The following ZNF804A variants were observed in gnomAD, a reference collection of about 807,000 sequenced individuals.
ZNF804A encodes zinc finger protein 804A.
In ZNF804A, 2 loss-of-function variants were observed where a neutral mutation model predicts 16.5. That is an observed-to-expected ratio of 0.12 (90% CI 0.05 to 0.38). The LOEUF (loss-of-function observed/expected upper bound fraction) is 0.38. Ranked by LOEUF, ZNF804A falls within the 10% of genes least tolerant of loss-of-function variation. The pLI is 0.99. For missense variants in ZNF804A, 1,473 were observed against 1,390.7 expected, an observed-to-expected ratio of 1.06 and a Z score of -0.94; for synonymous variants, 534 against 489.6, an observed-to-expected ratio of 1.09 and a Z score of -1.20.
rs189332515 is a variant in ZNF804A, at chr2:184,826,348, T to C, written c.112-40021T>C. Reference sequence around the variant, plus strand: ...ATATTTAATGTGTCCTACTATCTTATGAGGAAATGACTTCTAAAATTAGAC... The same window carrying C: ...ATATTTAATGTGTCCTACTATCTTACGAGGAAATGACTTCTAAAATTAGAC... On this transcript the variant is annotated intron_variant, in intron 1 of 3. Coordinates refer to ENST00000302277, the MANE Select transcript of ZNF804A (RefSeq NM_194250.2). Among the ~76,000 whole-genome samples the C allele has an allele frequency of 3.6e-4, 55 of 152,276 alleles. No individual in the cohort carries two copies. In the East Asian group the frequency reaches 0.01, roughly 28 times the overall value.
intron 1 of ZNF804A, among the ~76,000 whole-genome samples, chr2:184,733,327 C>T (rs72901834): frequency 0.053 from 8,016 of 152,130 alleles, 266 homozygotes; most frequent in Middle Eastern, 0.079. Context: ...TAATAGATTA[C>T]ATTAATTGAT....
intron 1 of ZNF804A, among the ~76,000 whole-genome samples, chr2:184,599,823 G>T (rs1314174464): frequency 1.3e-5 from 2 of 152,186 alleles, no homozygotes; most frequent in Non-Finnish European, 2.9e-5. Context: ...GGGAGAAGAT[G>T]TACTGAGCAT....
chr2:184,602,416 C>A (rs1691064673), intron 1 of ZNF804A, among the ~76,000 whole-genome samples: 1 of 151,896 alleles, frequency 6.6e-6, no homozygotes, highest in Non-Finnish European at 1.5e-5. Context: ...TAGGGCTTAA[C>A]AGAAAAGAAT....
At chr2:184,647,248 T>C (rs1249712138) in intron 1 of ZNF804A, among the ~76,000 whole-genome samples, 1 of 152,130 alleles carries the variant, frequency 6.6e-6, no homozygotes, top group African/African-American at 2.4e-5. Flanking sequence ...AAGAAAAACC[T>C]TACCCTCACT....
chr2:184,816,809 G>A (rs560627097), intron 1 of ZNF804A, among the ~76,000 whole-genome samples: 5 of 151,904 alleles, frequency 3.3e-5, no homozygotes, highest in Admixed American at 6.6e-5. Context: ...CTACTCAGAT[G>A]AGGGACAGCG....
At chr2:184,935,630 T>A (rs1001483325) in intron 3 of ZNF804A, among the ~76,000 whole-genome samples, 153 bp from the exon 4 acceptor site, 2 of 152,146 alleles carry the variant, frequency 1.3e-5, no homozygotes, top group African/African-American at 4.8e-5. Context: ...TGTGGCACCA[T>A]GGAAAGTACT....
intron 1 of ZNF804A, among the ~76,000 whole-genome samples, chr2:184,688,500 C>G (rs1692675967): frequency 6.6e-6 from 1 of 151,830 alleles, no homozygotes; most frequent in Admixed American, 6.6e-5. Flanking sequence ...TTCAGACACC[C>G]CCCTAAAATA....
intron 1 of ZNF804A, among the ~76,000 whole-genome samples, chr2:184,799,506 A>G (rs1694690692): frequency 6.6e-6 from 1 of 152,040 alleles, no homozygotes; most frequent in Non-Finnish European, 1.5e-5. Flanking sequence ...TTAAGAAGGC[A>G]TTAGCAAGTA....
intron 1 of ZNF804A, among the ~76,000 whole-genome samples, chr2:184,682,359 G>C (rs1692556584): frequency 6.6e-6 from 1 of 152,126 alleles, no homozygotes; most frequent in African/African-American, 2.4e-5. Flanking sequence ...TCTTTAAGTA[G>C]TATATATTAA....
intron 1 of ZNF804A, among the ~76,000 whole-genome samples, chr2:184,851,693 A>G (rs2105804350): frequency 6.6e-6 from 1 of 151,924 alleles, no homozygotes; most frequent in Middle Eastern, 3.4e-3. Context: ...TTTCTTTTGG[A>G]TATATTCCTA....
intron 1 of ZNF804A, among the ~76,000 whole-genome samples, chr2:184,651,227 A>G (rs780530074): frequency 2.0e-5 from 3 of 152,190 alleles, no homozygotes; most frequent in Non-Finnish European, 4.4e-5. Context: ...TGTTGGGATA[A>G]CTGGCTAGCC....
At chr2:184,815,270 C>A (rs1002409727) in intron 1 of ZNF804A, among the ~76,000 whole-genome samples, 13 of 151,800 alleles carry the variant, frequency 8.6e-5, no homozygotes, top group African/African-American at 2.9e-4. Flanking sequence ...AAATAATTAT[C>A]AAATCCATAC....
intron 2 of ZNF804A, among the ~76,000 whole-genome samples, chr2:184,893,539 ATAAAT>A (rs2105823544): frequency 6.6e-6 from 1 of 152,210 alleles, no homozygotes; most frequent in Admixed American, 6.5e-5. Context: ...TTAAACTTTT[ATAAAT>A]TAAATTAGTC....
At chr2:184,778,709 TAC>T (rs1375279356) in intron 1 of ZNF804A, among the ~76,000 whole-genome samples, 1 of 151,748 alleles carries the variant, frequency 6.6e-6, no homozygotes, top group African/African-American at 2.4e-5. Context: ...TGCTATTATA[TAC>T]AGTTATTGTA....
At position 184,599,088 on chromosome 2, in the gene ZNF804A, CCTCTCT is replaced by C. The variant is rs10689377; in HGVS notation, c.111+28_111+33del. On this transcript the variant is annotated intron_variant, in intron 1 of 3. Coordinates refer to ENST00000302277, the MANE Select transcript of ZNF804A (RefSeq NM_194250.2). The stretch of plus-strand genomic sequence containing the variant: ...AAACTCTGGTAATCGCTTCTGTTTT[CCTCTCT>C]CTCTCTCTCATATTTAAGAGGGCAT... 5 of 1,365,826 alleles carry C rather than the reference CCTCTCT, an allele frequency of 3.7e-6. No homozygotes were observed. The African/African-American group carries it at 5.8e-5, about 16-fold the overall frequency. 84.6% of individuals were successfully genotyped at this position (1,365,826 alleles called of 1,614,324 possible).
At chr2:184,859,622 G>A (rs1232176004) in intron 1 of ZNF804A, among the ~76,000 whole-genome samples, 4 of 152,120 alleles carry the variant, frequency 2.6e-5, no homozygotes, top group African/African-American at 7.2e-5. Flanking sequence ...CAGCTAGTGG[G>A]AGATTTTGTT....
At chr2:184,661,292 G>A (rs555763069) in intron 1 of ZNF804A, among the ~76,000 whole-genome samples, 10 of 152,080 alleles carry the variant, frequency 6.6e-5, no homozygotes, top group Non-Finnish European at 1.5e-4. Context: ...ATAGTTCAAC[G>A]AGTAGGAAGG....
chr2:184,837,568 A>AT (rs962879212), intron 1 of ZNF804A, among the ~76,000 whole-genome samples: 7 of 152,078 alleles, frequency 4.6e-5, no homozygotes, highest in South Asian at 4.1e-4. Flanking sequence ...TGCAGCAGTG[A>AT]TTTTTTCCTA....
intron 1 of ZNF804A, among the ~76,000 whole-genome samples, chr2:184,736,287 A>G (rs994688159): frequency 2.0e-5 from 3 of 152,194 alleles, no homozygotes; most frequent in African/African-American, 7.2e-5. Flanking sequence ...TTTCTTGAAA[A>G]TATTTTTGTT....
Sources: allele counts gnomAD v4.1 joint callset (sites outside exome capture counted in the v4.1 genomes callset), GRCh38; gene constraint gnomAD v4.1.1; transcripts MANE v1.5; gene names NCBI Gene and HGNC (gene_info 2026-07-23, HGNC 2026-07-21).